The following HERC3 variants were observed in gnomAD, a reference collection of about 807,000 sequenced individuals.
HERC3 encodes probable E3 ubiquitin-protein ligase HERC3.
HERC3 carries 58 observed loss-of-function variants against 129.9 expected under a neutral mutation model. The ratio of observed to expected loss-of-function variants is 0.45; its 90% CI spans 0.36 to 0.56. The LOEUF (loss-of-function observed/expected upper bound fraction) is 0.56, where lower values mean the gene tolerates loss of function less well. Among genes scored for constraint, HERC3 ranks in the 20% least tolerant of loss-of-function variants. The pLI is 0.00. For missense variants in HERC3, 835 were observed against 1,244.2 expected (o/e 0.67, Z 4.95); for synonymous variants, 430 against 451.0 (o/e 0.95, Z 0.59).
In HERC3 at chr4:88,671,814, G is replaced by C. The variant is rs151215789; in HGVS notation, c.1911+1562G>C. Among the ~76,000 whole-genome samples, 1,088 of 152,270 alleles carry C rather than the reference G, an allele frequency of 7.1e-3. 52 individuals are homozygous for C. The highest frequency in any genetic ancestry group is 0.064 in the Admixed American group (979 of 15,296). On this transcript the variant is annotated intron_variant, in intron 16 of 25. Transcript: ENST00000402738. ...GCTGGGATTACAGGGGTAAGCCACT[G>C]TGCCTGGCCAGGAAAATACTTTTTA...
the HERC3 span, among the ~76,000 whole-genome samples, chr4:88,536,882 T>C: frequency 1.9e-4 from 29 of 152,308 alleles, no homozygotes; most frequent in African/African-American, 6.7e-4. Context: ...AGCTGTCTTC[T>C]AAATTATTTT....
intron 23 of HERC3, among the ~76,000 whole-genome samples, chr4:88,691,569 A>G (rs932693474): frequency 3.3e-5 from 5 of 152,204 alleles, no homozygotes; most frequent in African/African-American, 1.2e-4. Flanking sequence ...GACTCTTATA[A>G]GGACACCAGT....
intron 16 of HERC3, among the ~76,000 whole-genome samples, chr4:88,672,289 T>G (rs924067261): frequency 6.6e-6 from 1 of 152,192 alleles, no homozygotes; most frequent in South Asian, 2.1e-4. Context: ...TTAAACTTCC[T>G]TTCTTTTAAC....
chr4:88,621,836 A>G (rs1257131899), intron 3 of HERC3, among the ~76,000 whole-genome samples: 2 of 152,224 alleles, frequency 1.3e-5, no homozygotes, highest in African/African-American at 4.8e-5. Flanking sequence ...AGTTTCTTTT[A>G]TAACCCTAAA....
At chr4:88,624,921 A>T (rs1295849164) in intron 3 of HERC3, among the ~76,000 whole-genome samples, 3 of 152,056 alleles carry the variant, frequency 2.0e-5, no homozygotes, top group African/African-American at 7.2e-5. Flanking sequence ...TTGCATATGG[A>T]TACCCAATTT....
the HERC3 span, among the ~76,000 whole-genome samples, chr4:88,580,431 C>T: frequency 6.6e-6 from 1 of 151,922 alleles, no homozygotes; most frequent in Non-Finnish European, 1.5e-5. Context: ...GAGGCTGAGG[C>T]AGGAGAATCC....
chr4:88,532,292 C>T, the HERC3 span, among the ~76,000 whole-genome samples: 30 of 152,202 alleles, frequency 2.0e-4, no homozygotes, highest in South Asian at 4.1e-4. Context: ...GGAAAACCAG[C>T]GGGAGAAAGC....
chr4:88,630,402 G>A (rs17014321), intron 3 of HERC3, among the ~76,000 whole-genome samples: 7,012 of 152,166 alleles, frequency 0.046, 206 homozygotes, highest in Middle Eastern at 0.12. Context: ...TTTTGATTTT[G>A]ATTATTACAG....
intron 3 of HERC3, among the ~76,000 whole-genome samples, chr4:88,632,459 G>A (rs1329536555): frequency 6.6e-6 from 1 of 152,202 alleles, no homozygotes; most frequent in African/African-American, 2.4e-5. Flanking sequence ...ATGCCAATGT[G>A]GGATAATGTA....
At chr4:88,567,584 ATTC>A in the HERC3 span, among the ~76,000 whole-genome samples, 94 of 152,226 alleles carry the variant, frequency 6.2e-4, no homozygotes, top group African/African-American at 2.1e-3. Context: ...ACTCTGATGC[ATTC>A]TTCAGTATGT....
chr4:88,681,652 C>T (rs1446574407), intron 21 of HERC3, among the ~76,000 whole-genome samples: 2 of 152,116 alleles, frequency 1.3e-5, no homozygotes, highest in African/African-American at 2.4e-5. Context: ...GGTTTTACAC[C>T]CTGCAAATAC....
chr4:88,663,636 C>T (rs561217303), intron 11 of HERC3, among the ~76,000 whole-genome samples: 2 of 152,234 alleles, frequency 1.3e-5, no homozygotes, highest in African/African-American at 2.4e-5. Context: ...TCATTTTGGG[C>T]CCTCAGAATT....
At chr4:88,679,948 A>G in intron 19 of HERC3, 145 bp from the exon 20 acceptor site, 1 of 609,560 alleles carries the variant, frequency 1.6e-6, no homozygotes, top group Non-Finnish European at 2.7e-6. Context: ...ATCAACAGAC[A>G]CACCTTGCAG....
intron 14 of HERC3, among the ~76,000 whole-genome samples, chr4:88,669,090 ATTTTT>A (rs1340612953): frequency 3.9e-5 from 6 of 152,258 alleles, no homozygotes; most frequent in Admixed American, 2.6e-4. Context: ...TTTACACTTT[ATTTTT>A]AACTTCTAAT....
Position 88,681,199 on chromosome 4 carries a change from C to T in HERC3, c.2381C>T (p.Thr794Ile), listed in dbSNP as rs766351509. 6 of 1,613,854 alleles carry T rather than the reference C, an allele frequency of 3.7e-6. No individual in the cohort carries two copies. Among genetic ancestry groups the T allele is most frequent in the Admixed American group, 1.7e-5 (1 of 59,986 alleles). ...EHNWFHLIGI[T>I]CGLAIYNSTV... ...AACTGGTTTCACTTGATTGGTATAA[C>T]CTGTGGACTAGCTATCTACAACTCC... Residue 794 changes from threonine (T) to isoleucine (I), a missense_variant, in exon 21 of 26, where the codon ACC (threonine) becomes ATC (isoleucine). Physicochemically the swap from Thr to Ile is moderately conservative, Grantham distance 89. Coordinates refer to ENST00000402738, the MANE Select transcript of HERC3 (RefSeq NM_014606.3).
At chr4:88,653,980 G>T in intron 6 of HERC3, 62 bp from the exon 7 acceptor site, 2 of 1,201,808 alleles carry the variant, frequency 1.7e-6, no homozygotes, top group East Asian at 2.3e-5. Flanking sequence ...TGCCAAGATA[G>T]TTGTGTATAT....
At chr4:88,618,925 C>T (rs1204155734) in intron 3 of HERC3, among the ~76,000 whole-genome samples, 1 of 152,180 alleles carries the variant, frequency 6.6e-6, no homozygotes, top group Non-Finnish European at 1.5e-5. Context: ...CACACCTGTT[C>T]CAGCCAAACA....
intron 14 of HERC3, among the ~76,000 whole-genome samples, chr4:88,669,434 A>G (rs1245335927): frequency 6.6e-6 from 1 of 152,164 alleles, no homozygotes; most frequent in Non-Finnish European, 1.5e-5. Context: ...AATGGTTGCC[A>G]TATTGGTGCT....
the HERC3 span, among the ~76,000 whole-genome samples, chr4:88,530,561 C>T: frequency 2.0e-5 from 3 of 152,274 alleles, no homozygotes; most frequent in African/African-American, 7.2e-5. Context: ...CCCATTTTAT[C>T]TCCTTTCCTC....
Sources: allele counts gnomAD v4.1 joint callset (sites outside exome capture counted in the v4.1 genomes callset), GRCh38; gene constraint gnomAD v4.1.1; transcripts MANE v1.5; gene names NCBI Gene and HGNC (gene_info 2026-07-23, HGNC 2026-07-21).